DNAH5: variants seen among roughly 807,000 people sequenced by gnomAD.
DNAH5 encodes axonemal beta dynein heavy chain 5.
A neutral mutation model predicts 518.2 loss-of-function variants in DNAH5; 372 were observed. The ratio of observed to expected loss-of-function variants is 0.72; its 90% CI spans 0.66 to 0.78. The LOEUF (loss-of-function observed/expected upper bound fraction) is 0.78. Ranked by LOEUF, DNAH5 falls within the 30% of genes least tolerant of loss-of-function variation. The pLI, the probability that DNAH5 is intolerant of heterozygous loss-of-function variation, is 0.00. For missense variants in DNAH5, 5,523 were observed against 5,687.0 expected (o/e 0.97, Z 0.93); for synonymous variants, 2,039 against 2,025.9 (o/e 1.01, Z -0.17).
intron 50 of DNAH5, 74 bp downstream of exon 50, chr5:13,791,920 T>A: frequency 7.7e-7 from 1 of 1,306,580 alleles, no homozygotes; most frequent in Non-Finnish European, 1.1e-6. Flanking sequence ...AAGTAAAAAA[T>A]AAATCAATAA....
chr5:13,870,231 C>T (rs1769891648), intron 24 of DNAH5, among the ~76,000 whole-genome samples: 1 of 152,178 alleles, frequency 6.6e-6, no homozygotes, highest in African/African-American at 2.4e-5. Flanking sequence ...ATCCAGGTCC[C>T]GATTACCAGC....
chr5:14,009,347 A>G (rs2152090796), intron 1 of DNAH5, among the ~76,000 whole-genome samples: 1 of 152,318 alleles, frequency 6.6e-6, no homozygotes, highest in East Asian at 1.9e-4. Context: ...ATACTGAGGC[A>G]AGCCTTGGTC....
chr5:13,734,015 T>C (rs1465365861), intron 68 of DNAH5, among the ~76,000 whole-genome samples: 5 of 152,138 alleles, frequency 3.3e-5, no homozygotes, highest in East Asian at 1.9e-4. Flanking sequence ...TCCCCAAAAC[T>C]CATATGTTGA....
At chr5:13,873,805 A>T (rs965429274) in intron 22 of DNAH5, among the ~76,000 whole-genome samples, 4 of 152,018 alleles carry the variant, frequency 2.6e-5, no homozygotes, top group Admixed American at 1.3e-4. Flanking sequence ...CTAGCCAAAA[A>T]ATTTGTCTCT....
At chr5:13,867,701 T>G (rs946246913) in intron 25 of DNAH5, 73 bp downstream of exon 25, 15 of 1,205,530 alleles carry the variant, frequency 1.2e-5, no homozygotes, top group Non-Finnish European at 1.7e-5. Context: ...ACCCATAATT[T>G]TTAGACAACT....
At position 13,871,734 on chromosome 5, in the gene DNAH5, C is replaced by T. The variant is rs150739124; in HGVS notation, c.3428G>A (p.Arg1143His). 7.4e-5 allele frequency: 119 copies of T among 1,613,394 alleles called. 1 individual carries two copies. The highest frequency in any genetic ancestry group is 1.6e-4 in the Middle Eastern group (1 of 6,080). Residue 1143 changes from arginine (R) to histidine (H), a missense_variant, in exon 23 of 79, where the codon CGC becomes CAC. Transcript: ENST00000265104. ...TCCCTTTTGCCAAATGTGATTGTAG[C>T]GTTTGAAGCAATCCATGGATGTAAT... ...EVITSMDCFK[R>H]YNHIWQKGKE...
At chr5:13,752,823 G>A (rs1006711632) in intron 63 of DNAH5, among the ~76,000 whole-genome samples, 1 of 152,136 alleles carries the variant, frequency 6.6e-6, no homozygotes, top group Non-Finnish European at 1.5e-5. Context: ...CTATCATTTT[G>A]TTTTATTGGG....
At chr5:13,828,250 G>T (rs1019528971) in intron 38 of DNAH5, among the ~76,000 whole-genome samples, 3 of 152,208 alleles carry the variant, frequency 2.0e-5, no homozygotes, top group Non-Finnish European at 4.4e-5. Context: ...GGTTGAACCT[G>T]TGGGTATAAA....
At chr5:13,895,608 T>G (rs1213026301) in intron 15 of DNAH5, among the ~76,000 whole-genome samples, 1 of 152,000 alleles carries the variant, frequency 6.6e-6, no homozygotes, top group Non-Finnish European at 1.5e-5. Flanking sequence ...CAAATCTTGT[T>G]GCCAAGACCC....
At chr5:13,777,093 C>T (rs1048101617) in intron 54 of DNAH5, 109 bp downstream of exon 54, 1 of 1,044,616 alleles carries the variant, frequency 9.6e-7, no homozygotes, top group Admixed American at 2.0e-5. Flanking sequence ...CACTTAATAC[C>T]CATCCCCAAT....
chr5:13,806,279 G>A (rs1759568395), intron 47 of DNAH5, among the ~76,000 whole-genome samples: 2 of 152,100 alleles, frequency 1.3e-5, no homozygotes, highest in South Asian at 2.1e-4. Context: ...ATTTGGGGTT[G>A]ACCATCCATC....
At chr5:13,894,914 T>C in intron 15 of DNAH5, 93 bp from the exon 16 acceptor site, 3 of 1,447,170 alleles carry the variant, frequency 2.1e-6, no homozygotes, top group Non-Finnish European at 2.9e-6. Context: ...TACTTTTATT[T>C]AGGGTCAAAC....
At chr5:13,863,222 C>T (rs570016843) in intron 28 of DNAH5, among the ~76,000 whole-genome samples, 89 of 152,238 alleles carry the variant, frequency 5.8e-4, no homozygotes, top group Non-Finnish European at 1.0e-3. Context: ...ATTAGTCAAG[C>T]CCTTCCTTTA....
chr5:13,911,396 T>C lies in DNAH5; in HGVS notation c.1634A>G (p.Asn545Ser), dbSNP rs1270650454. 3.7e-6 allele frequency: 6 copies of C among 1,613,064 alleles called. No homozygotes were observed. Among genetic ancestry groups the C allele is most frequent in the Non-Finnish European group, 4.2e-6 (5 of 1,179,234 alleles). ...QDYEEFCKQT[N>S]DLHNELRKFM... ...TATTATACAACCTACATGAAGGTCA[T>C]TAGTCTGCTTGCAAAACTCTTCGTA... The change falls in exon 12 of 79, where the codon AAT becomes AGT. Residue 545 changes from asparagine (N) to serine (S), a missense_variant. By Grantham distance (46) the Asn-to-Ser change is conservative. Coordinates refer to ENST00000265104, the MANE Select transcript of DNAH5 (RefSeq NM_001369.3).
intron 24 of DNAH5, 89 bp downstream of exon 24, chr5:13,870,678 T>C: frequency 8.6e-7 from 1 of 1,168,268 alleles, no homozygotes; most frequent in Non-Finnish European, 1.3e-6. Flanking sequence ...AACCATTTAG[T>C]AACTTCACTC....
chr5:13,885,107 G>C lies in DNAH5; in HGVS notation c.2865C>G (p.Ala955=). The change falls in exon 19 of 79, where the codon GCC becomes GCG. Residue 955 remains alanine, a synonymous_variant. Coordinates refer to ENST00000265104, the MANE Select transcript of DNAH5 (RefSeq NM_001369.3). ...GGTTGAAATGAGAGAGTAACTCGCG[G>C]GCTTCTTCCCCTAACATCTCAGTTT... ...KKETEMLGEE[A]RELLSHFNHQ... 1 of 1,614,214 alleles carries C rather than the reference G, an allele frequency of 6.2e-7. No individual in the cohort carries two copies. The highest frequency in any genetic ancestry group is 8.5e-7 in the Non-Finnish European group (1 of 1,180,036).
At chr5:13,935,332 A>C (rs1254700895) in intron 1 of DNAH5, among the ~76,000 whole-genome samples, 1 of 152,216 alleles carries the variant, frequency 6.6e-6, no homozygotes, top group Non-Finnish European at 1.5e-5. Flanking sequence ...AAAGAGGGAA[A>C]TCACTCCCTA....
intron 1 of DNAH5, among the ~76,000 whole-genome samples, chr5:13,950,634 CA>C (rs1339683989): frequency 6.6e-6 from 1 of 152,188 alleles, no homozygotes; most frequent in Non-Finnish European, 1.5e-5. Context: ...AACCTACACA[CA>C]CAAAGCTCAT....
At chr5:13,740,613 G>C (rs1238043217) in intron 65 of DNAH5, among the ~76,000 whole-genome samples, 1 of 152,210 alleles carries the variant, frequency 6.6e-6, no homozygotes, top group Non-Finnish European at 1.5e-5. Context: ...CTAATCCCAT[G>C]TGATGTGATG....
Sources: gnomAD v4.1 joint callset for allele counts (sites outside exome capture counted in the v4.1 genomes callset) on GRCh38, gnomAD v4.1.1 for gene constraint, MANE v1.5 for transcripts, NCBI Gene and HGNC (gene_info 2026-07-23, HGNC 2026-07-21) for gene names.